The following STAG1 variants were observed in gnomAD, a reference collection of about 807,000 sequenced individuals.
STAG1 encodes cohesin subunit SA-1.
STAG1 carries 26 observed loss-of-function variants against 170.9 expected under a neutral mutation model. That is an observed-to-expected ratio of 0.15 (90% confidence interval 0.11 to 0.21). STAG1 has a LOEUF of 0.21. Among genes scored for constraint, STAG1 ranks in the 10% least tolerant of loss-of-function variants. The pLI, the probability that STAG1 is intolerant of heterozygous loss-of-function variation, is 1.00. For missense variants in STAG1, 964 were observed against 1,509.5 expected (o/e 0.64, Z 5.99); for synonymous variants, 514 against 497.7 (o/e 1.03, Z -0.44).
chr3:136,537,925 C>T (rs915828242), intron 6 of STAG1, among the ~76,000 whole-genome samples: 5 of 152,148 alleles, frequency 3.3e-5, no homozygotes, highest in African/African-American at 1.2e-4. Context: ...ACTGTCACTC[C>T]TTGCACGCAT....
chr3:136,591,139 CATA>C (rs1938145399), intron 4 of STAG1, among the ~76,000 whole-genome samples: 2 of 141,600 alleles, frequency 1.4e-5, no homozygotes, highest in Non-Finnish European at 3.0e-5. Context: ...AACATTTTTA[CATA>C]ATAAAATATT....
At chr3:136,594,725 C>A (rs984745740) in intron 4 of STAG1, among the ~76,000 whole-genome samples, 3 of 152,188 alleles carry the variant, frequency 2.0e-5, no homozygotes, top group Non-Finnish European at 4.4e-5. Context: ...TGTAGCCCTG[C>A]GCCTAACCCA....
At chr3:136,612,647 T>A (rs1484143467) in intron 3 of STAG1, among the ~76,000 whole-genome samples, 1 of 152,194 alleles carries the variant, frequency 6.6e-6, no homozygotes, top group African/African-American at 2.4e-5. Context: ...TCCACTGCAC[T>A]CTCTCCAGCC....
At chr3:136,369,068 A>T (rs1937192577) in intron 24 of STAG1, 40 bp downstream of exon 24, 1 of 1,325,356 alleles carries the variant, frequency 7.5e-7, no homozygotes, top group Non-Finnish European at 1.0e-6. Flanking sequence ...TGGGGTTGGT[A>T]AAAAAAAATC....
chr3:136,603,537 G>C (rs1226955255), intron 4 of STAG1, among the ~76,000 whole-genome samples: 1 of 152,104 alleles, frequency 6.6e-6, no homozygotes, highest in Non-Finnish European at 1.5e-5. Context: ...AGTGAGAATG[G>C]TGCTCCTGCA....
chr3:136,501,505 T>C (rs757443151), intron 8 of STAG1, among the ~76,000 whole-genome samples: 4 of 152,108 alleles, frequency 2.6e-5, no homozygotes, highest in Admixed American at 6.5e-5. Flanking sequence ...CATGCAAAGA[T>C]TGGAATTATG....
chr3:136,542,948 T>C (rs2107727918), intron 5 of STAG1, among the ~76,000 whole-genome samples: 1 of 152,266 alleles, frequency 6.6e-6, no homozygotes, highest in South Asian at 2.1e-4. Context: ...CTACTATGAT[T>C]AACCACTACT....
At chr3:136,705,870 A>AATGGCTC (rs1943213899) in intron 1 of STAG1, among the ~76,000 whole-genome samples, 1 of 152,110 alleles carries the variant, frequency 6.6e-6, no homozygotes, top group East Asian at 1.9e-4. Context: ...GGCCAGACAC[A>AATGGCTC]ATGGCTCATG....
intron 13 of STAG1, among the ~76,000 whole-genome samples, chr3:136,463,754 T>C (rs1399697981): frequency 5.9e-5 from 5 of 84,210 alleles, no homozygotes; most frequent in Non-Finnish European, 1.2e-4. Flanking sequence ...TGTGTGTGTG[T>C]GTGTGTGTGT....
At position 136,709,792 on chromosome 3, in the gene STAG1, T is replaced by G. The variant is rs1166599919; in HGVS notation, c.-84+42403A>C. Among the ~76,000 whole-genome samples the G allele has an allele frequency of 3.3e-5, 5 of 151,028 alleles. No homozygotes were observed. The South Asian group carries it at 8.4e-4, about 25-fold the overall frequency. On this transcript the variant is annotated intron_variant, in intron 1 of 33. Transcript: ENST00000383202. ...GCTCATGCCTGTAATCCCAGCACTT[T>G]GGGAGGCCAAAGTGTGTGGATCACC...
At chr3:136,373,608 C>T (rs1306487052) in intron 23 of STAG1, among the ~76,000 whole-genome samples, 8 of 151,920 alleles carry the variant, frequency 5.3e-5, no homozygotes, top group Non-Finnish European at 7.4e-5. Context: ...CATTATGTAC[C>T]CAGTAGTCAT....
chr3:136,688,680 C>CCA (rs1942622052), intron 1 of STAG1, among the ~76,000 whole-genome samples: 1 of 152,190 alleles, frequency 6.6e-6, no homozygotes. Flanking sequence ...GCAGGAGCCA[C>CCA]CACGCCTGGC....
intron 24 of STAG1, 32 bp from the exon 25 acceptor site, chr3:136,367,114 C>G (rs776194548): frequency 1.9e-6 from 3 of 1,554,308 alleles, no homozygotes; most frequent in Non-Finnish European, 8.8e-7. Flanking sequence ...GTTATGAATT[C>G]TGGTACTTTA....
intron 22 of STAG1, among the ~76,000 whole-genome samples, chr3:136,383,827 C>T (rs866692401): frequency 2.0e-5 from 3 of 151,672 alleles, no homozygotes; most frequent in Non-Finnish European, 2.9e-5. Flanking sequence ...TGGTGGCAGG[C>T]GCCTGTAGTC....
chr3:136,389,817 G>A (rs1487647333), intron 22 of STAG1, among the ~76,000 whole-genome samples: 1 of 150,816 alleles, frequency 6.6e-6, no homozygotes, highest in Non-Finnish European at 1.5e-5. Flanking sequence ...ACCGCACCTG[G>A]CCTTATGCTA....
chr3:136,422,673 T>C (rs1016569896), intron 18 of STAG1, 60 bp from the exon 19 acceptor site: 77 of 1,549,518 alleles, frequency 5.0e-5, no homozygotes, highest in Non-Finnish European at 6.3e-5. Context: ...AATAAAAAAT[T>C]AGCATCTGTC....
At chr3:136,496,150 A>G (rs1055828714) in intron 9 of STAG1, among the ~76,000 whole-genome samples, 1 of 152,000 alleles carries the variant, frequency 6.6e-6, no homozygotes, top group East Asian at 1.9e-4. Flanking sequence ...GTCTCAAAAA[A>G]CAAACAAACA....
chr3:136,502,896 C>T (rs2107867540), intron 7 of STAG1, 117 bp from the exon 8 acceptor site: 3 of 767,400 alleles, frequency 3.9e-6, no homozygotes, highest in Non-Finnish European at 5.5e-6. Flanking sequence ...GTTTTACAAC[C>T]CAGGCATAAT....
At chr3:136,521,719 A>T (rs761683286) in intron 6 of STAG1, among the ~76,000 whole-genome samples, 1 of 152,198 alleles carries the variant, frequency 6.6e-6, no homozygotes, top group African/African-American at 2.4e-5. Context: ...AGGTAATCTG[A>T]AACAGTAAAA....
Sources: gnomAD v4.1 joint callset for allele counts (sites outside exome capture counted in the v4.1 genomes callset) on GRCh38, gnomAD v4.1.1 for gene constraint, MANE v1.5 for transcripts, NCBI Gene and HGNC (gene_info 2026-07-23, HGNC 2026-07-21) for gene names.